The following STAB2 variants were observed in gnomAD, a reference collection of about 807,000 sequenced individuals.
The protein encoded by STAB2 is stabilin 2, also known as stabilin-2.
A neutral mutation model predicts 338.1 loss-of-function variants in STAB2; 288 were observed. The observed-to-expected ratio is 0.85, with a 90% CI of 0.77 to 0.94. The LOEUF (loss-of-function observed/expected upper bound fraction) is 0.94. Among genes scored for constraint, STAB2 ranks in the 40% least tolerant of loss-of-function variants. The probability of loss-of-function intolerance (pLI) is 0.00; values close to 1 mark genes in which losing one functional copy is unlikely to be tolerated. For missense variants in STAB2, 3,141 were observed against 3,210.1 expected (o/e 0.98, Z 0.52); for synonymous variants, 1,202 against 1,193.3 (o/e 1.01, Z -0.15).
chr12:103,701,424 G>A (rs1455834703), intron 34 of STAB2, among the ~76,000 whole-genome samples: 8 of 152,252 alleles, frequency 5.3e-5, no homozygotes, highest in Admixed American at 1.3e-4. Context: ...CTGAGGAAAC[G>A]CCACACTGAC....
chr12:103,750,707 C>A lies in STAB2; in HGVS notation c.6567C>A (p.Asp2189Glu), dbSNP rs763121535. Residue 2189 changes from aspartate (D) to glutamate (E), a missense_variant, in exon 60 of 69, where the codon GAC (aspartate) becomes GAA (glutamate). Asp to Glu is a conservative substitution (Grantham distance 45). Coordinates refer to ENST00000388887, the MANE Select transcript of STAB2 (RefSeq NM_017564.10). ...GQCHADAKCV[D>E]LHFQDTTVGV... ...GCCATGCAGACGCCAAATGTGTCGACCTCCACTTCCAGGGTTAGTGTGACC... is the reference window on the plus strand; with the variant it reads ...GCCATGCAGACGCCAAATGTGTCGAACTCCACTTCCAGGGTTAGTGTGACC... 4 of 1,613,610 alleles carry A rather than the reference C, an allele frequency of 2.5e-6. No individual in the cohort carries two copies. In the Admixed American group the frequency reaches 6.7e-5, roughly 27 times the overall value.
At chr12:103,663,207 A>G (rs1157165982) in intron 18 of STAB2, among the ~76,000 whole-genome samples, 1 of 152,300 alleles carries the variant, frequency 6.6e-6, no homozygotes, top group South Asian at 2.1e-4. Flanking sequence ...AATTTCCGCA[A>G]TGATAGATGC....
At chr12:103,736,439 T>C (rs891502387) in intron 52 of STAB2, among the ~76,000 whole-genome samples, 2 of 152,222 alleles carry the variant, frequency 1.3e-5, no homozygotes, top group Non-Finnish European at 2.9e-5. Context: ...TAGAATTGCA[T>C]TGAATTTATA....
At position 103,742,441 on chromosome 12, in the gene STAB2, G is replaced by C; in HGVS notation, c.5918G>C (p.Arg1973Pro). 1 of 1,614,060 alleles carries C rather than the reference G, an allele frequency of 6.2e-7. No homozygotes were observed. Among genetic ancestry groups the C allele is most frequent in the South Asian group, 1.1e-5 (1 of 91,060 alleles). Residue 1973 changes from arginine to proline, a missense_variant, in exon 56 of 69, where the codon CGG becomes CCG. Physicochemically the swap from Arg to Pro is moderately radical, Grantham distance 103. Coordinates refer to ENST00000388887, the MANE Select transcript of STAB2 (RefSeq NM_017564.10). ...PGGPDAPCNN[R>P]GVCLDQYSAT... is the part of the protein sequence containing the mutation. ...GGACCAGATGCCCCGTGTAATAACC[G>C]GGGTGTCTGCCTTGATCAGTACTCG...
intron 46 of STAB2, 133 bp from the exon 47 acceptor site, chr12:103,727,134 C>A (rs1881269972): frequency 1.2e-6 from 1 of 850,212 alleles, no homozygotes. Context: ...TCATTTGAAT[C>A]CAAGACTGAA....
In STAB2 at chr12:103,640,202, A is replaced by G. The variant is rs750619431; in HGVS notation, c.986A>G (p.Asp329Gly). The G allele has an allele frequency of 6.2e-7, 1 of 1,613,870 alleles. No homozygotes were observed. The highest frequency in any genetic ancestry group is 1.7e-5 in the Admixed American group (1 of 60,016). ...GCSMTDICKS[D>G]NPCHRNANCT... ...AGTATGACTGATATATGTAAATCAG[A>G]TAACCCGTGTCATAGGAATGCAAAT... Residue 329 changes from aspartate (D) to glycine (G), a missense_variant, in exon 9 of 69, where the codon GAT becomes GGT. Coordinates refer to ENST00000388887, the MANE Select transcript of STAB2 (RefSeq NM_017564.10).
intron 6 of STAB2, among the ~76,000 whole-genome samples, chr12:103,635,595 T>C (rs1286634798): frequency 6.6e-6 from 1 of 152,198 alleles, no homozygotes; most frequent in Non-Finnish European, 1.5e-5. Context: ...AGGGGAAGGC[T>C]GTTCGGTACT....
intron 41 of STAB2, 114 bp downstream of exon 41, chr12:103,712,557 G>A (rs1048678869): frequency 7.6e-6 from 6 of 787,992 alleles, no homozygotes; most frequent in African/African-American, 3.4e-5. Flanking sequence ...ACCACTGATG[G>A]TGAATTGTAT....
intron 9 of STAB2, among the ~76,000 whole-genome samples, chr12:103,642,028 A>G (rs1358849667): frequency 6.6e-6 from 1 of 152,196 alleles, no homozygotes; most frequent in Non-Finnish European, 1.5e-5. Context: ...CACCTGATCG[A>G]GAAGGGTGGG....
At chr12:103,638,337 C>T (rs1957586078) in intron 8 of STAB2, 125 bp downstream of exon 8, 1 of 1,051,400 alleles carries the variant, frequency 9.5e-7, no homozygotes, top group Non-Finnish European at 1.4e-6. Flanking sequence ...GTCTTCCCCT[C>T]CAGACAGTCC....
chr12:103,718,156 C>T (rs1375444768), intron 44 of STAB2, among the ~76,000 whole-genome samples: 1 of 152,156 alleles, frequency 6.6e-6, no homozygotes, highest in Non-Finnish European at 1.5e-5. Context: ...CTCTCACCTC[C>T]TCTAGGAAGC....
intron 5 of STAB2, 34 bp from the exon 6 acceptor site, chr12:103,631,564 C>A: frequency 3.2e-6 from 5 of 1,583,662 alleles, no homozygotes; most frequent in Non-Finnish European, 4.3e-6. Context: ...CAGTCTATGT[C>A]AGGTAATAAA....
chr12:103,599,920 T>G (rs778173630), intron 3 of STAB2, among the ~76,000 whole-genome samples: 4 of 152,250 alleles, frequency 2.6e-5, no homozygotes, highest in Non-Finnish European at 5.9e-5. Context: ...TCTAAAGTGC[T>G]GACCTGTTAT....
chr12:103,634,545 A>T (rs1957513788), intron 6 of STAB2, among the ~76,000 whole-genome samples: 1 of 152,222 alleles, frequency 6.6e-6, no homozygotes, highest in Admixed American at 6.5e-5. Context: ...AAGAATAGAC[A>T]TTTTTCTATT....
intron 8 of STAB2, among the ~76,000 whole-genome samples, chr12:103,639,052 G>T (rs370186277): frequency 6.6e-6 from 1 of 152,144 alleles, no homozygotes. Context: ...TTCTGCTATC[G>T]ATTTCTGGGG....
Position 103,695,806 on chromosome 12 carries a change from A to T in STAB2, c.3544A>T (p.Ile1182Phe). 1.2e-6 allele frequency: 2 copies of T among 1,614,218 alleles called. No homozygotes were observed. The highest frequency in any genetic ancestry group is 1.7e-6 in the Non-Finnish European group (2 of 1,180,026). Residue 1182 changes from isoleucine to phenylalanine, a missense_variant, in exon 33 of 69, where the codon ATC becomes TTC. Ile to Phe is a conservative substitution (Grantham distance 21). Transcript: ENST00000388887. Reference sequence around the variant, plus strand: ...AGTGTTTGCTCCAAACAACAATGCCATCGAGAATTACATCAGGGAGAAGAA... The same window carrying T: ...AGTGTTTGCTCCAAACAACAATGCCTTCGAGAATTACATCAGGGAGAAGAA... ...YTVFAPNNNA[I>F]ENYIREKKVL...
chr12:103,756,969 G>A (rs1884144158), intron 63 of STAB2, among the ~76,000 whole-genome samples: 1 of 136,780 alleles, frequency 7.3e-6, no homozygotes, highest in Admixed American at 7.8e-5. Flanking sequence ...TACCTTCTCT[G>A]GGCCTCAGTA....
chr12:103,653,134 G>C (rs1487888013), intron 12 of STAB2, among the ~76,000 whole-genome samples: 1 of 151,994 alleles, frequency 6.6e-6, no homozygotes, highest in Non-Finnish European at 1.5e-5. Flanking sequence ...CTCTCCCAAT[G>C]CCATTAGTTC....
At chr12:103,590,495 C>T (rs968429695) in intron 1 of STAB2, among the ~76,000 whole-genome samples, 1 of 152,224 alleles carries the variant, frequency 6.6e-6, no homozygotes, top group Non-Finnish European at 1.5e-5. Context: ...TTGAGATCTG[C>T]TGATCTATGA....
Sources: gnomAD v4.1 joint callset for allele counts (sites outside exome capture counted in the v4.1 genomes callset) on GRCh38, gnomAD v4.1.1 for gene constraint, MANE v1.5 for transcripts, NCBI Gene and HGNC (gene_info 2026-07-23, HGNC 2026-07-21) for gene names.